Variants in RUNX1 observed in about 807,000 individuals in gnomAD.
RUNX1 encodes RUNX family transcription factor 1.
A neutral mutation model predicts 42.8 loss-of-function variants in RUNX1; 19 were observed. The observed-to-expected ratio is 0.44, with a 90% CI of 0.31 to 0.65. The LOEUF (loss-of-function observed/expected upper bound fraction) is 0.65, where lower values mean the gene tolerates loss of function less well. RUNX1 is among the 30% of genes least tolerant of loss of function. The probability of loss-of-function intolerance (pLI) is 0.07; values close to 1 mark genes in which losing one functional copy is unlikely to be tolerated. For missense variants in RUNX1, 528 were observed against 672.0 expected (o/e 0.79, Z 2.37); for synonymous variants, 271 against 289.4 (o/e 0.94, Z 0.64).
chr21:35,024,050 C>A (rs1042431549), intron 2 of RUNX1, among the ~76,000 whole-genome samples: 16 of 151,972 alleles, frequency 1.1e-4, no homozygotes, highest in Non-Finnish European at 1.8e-4. Flanking sequence ...TAGCCTGGCA[C>A]ATATCTGCAC....
At chr21:34,804,898 C>T (rs745685871) in intron 7 of RUNX1, among the ~76,000 whole-genome samples, 29 of 151,996 alleles carry the variant, frequency 1.9e-4, no homozygotes, top group Non-Finnish European at 2.8e-4. Flanking sequence ...CCTGCCACCA[C>T]GCCCAGCTAT....
chr21:34,833,281 T>A (rs1160145020), intron 7 of RUNX1: 1 of 151,432 alleles, frequency 6.6e-6, no homozygotes, highest in African/African-American at 2.5e-5. Context: ...ATTTTTTGTA[T>A]TTTTAGTAGA....
intron 7 of RUNX1, among the ~76,000 whole-genome samples, chr21:34,828,257 A>AT (rs2057016613): frequency 6.6e-6 from 1 of 152,156 alleles, no homozygotes; most frequent in African/African-American, 2.4e-5. Flanking sequence ...ACCCTGTTGG[A>AT]TTTTGAACTT....
chr21:35,043,128 A>G (rs773917124), intron 2 of RUNX1, among the ~76,000 whole-genome samples: 18 of 152,198 alleles, frequency 1.2e-4, no homozygotes, highest in Non-Finnish European at 2.2e-4. Context: ...TTTGTGTTCA[A>G]GAGCCAGCCT....
chr21:34,854,325 C>T (rs918403203), intron 6 of RUNX1, among the ~76,000 whole-genome samples: 2 of 152,076 alleles, frequency 1.3e-5, no homozygotes, highest in African/African-American at 4.8e-5. Context: ...TTAACTATAA[C>T]TCCCTCTAAA....
chr21:34,878,363 AT>A, intron 5 of RUNX1, among the ~76,000 whole-genome samples: 2 of 137,772 alleles, frequency 1.5e-5, no homozygotes, highest in African/African-American at 6.2e-5. Context: ...AAAAAAAAAT[AT>A]ATATATATAT....
intron 7 of RUNX1, among the ~76,000 whole-genome samples, chr21:34,801,986 T>A (rs2056614284): frequency 6.6e-6 from 1 of 151,610 alleles, no homozygotes; most frequent in Non-Finnish European, 1.5e-5. Flanking sequence ...CCGAAGGAGG[T>A]GATCCCTAAA....
chr21:34,861,052 G>A (rs186935083), intron 5 of RUNX1, among the ~76,000 whole-genome samples: 82 of 152,304 alleles, frequency 5.4e-4, no homozygotes, highest in Admixed American at 1.4e-3. Flanking sequence ...TCTGGGGAGT[G>A]ACTTCCATGG....
At chr21:35,045,963 C>T (rs1227121267) in intron 2 of RUNX1, among the ~76,000 whole-genome samples, 1 of 152,132 alleles carries the variant, frequency 6.6e-6, no homozygotes, top group African/African-American at 2.4e-5. Context: ...CACTAAGCCA[C>T]TTCTAAGAAC....
rs551366026 is a variant in RUNX1 at position 35,035,253 on chromosome 21, G to A, written c.58+13589C>T. On this transcript the variant is annotated intron_variant, in intron 2 of 8. Coordinates refer to ENST00000675419, the MANE Select transcript of RUNX1 (RefSeq NM_001754.5). ...ATCATCATCGTCACACTGTACAGATGAGGAAAAGGGAGAAACAGAAAGGGT... is the reference window on the plus strand; with the variant it reads ...ATCATCATCGTCACACTGTACAGATAAGGAAAAGGGAGAAACAGAAAGGGT... 1.2e-4 allele frequency among the ~76,000 whole-genome samples: 19 copies of A among 152,312 alleles called. No individual in the cohort carries two copies. In the South Asian group the frequency reaches 3.9e-3, roughly 32 times the overall value.
At chr21:34,945,686 C>T (rs1468873997) in intron 2 of RUNX1, among the ~76,000 whole-genome samples, 3 of 152,206 alleles carry the variant, frequency 2.0e-5, no homozygotes, top group Non-Finnish European at 4.4e-5. Context: ...TTTTCTTCAC[C>T]TCTCTGACAG....
At chr21:34,888,088 C>T in intron 3 of RUNX1, 1 of 1,066,380 alleles carries the variant, frequency 9.4e-7, no homozygotes, top group South Asian at 4.5e-5. Context: ...GAGTCACACA[C>T]ATGCAAACAC....
Position 34,926,982 on chromosome 21 carries a change from G to T in RUNX1, c.59-34019C>A, listed in dbSNP as rs546065829. 2.0e-5 allele frequency among the ~76,000 whole-genome samples: 3 copies of T among 152,276 alleles called. No homozygotes were observed. The South Asian group carries it at 6.2e-4, about 32-fold the overall frequency. On this transcript the variant is annotated intron_variant, in intron 2 of 8. Transcript: ENST00000675419. Reference sequence around the variant, plus strand: ...CTCACTGCATTTCCTTTCCCCAGAGGTCCCTTTGGCTAAAGCACTGTCCAA... The same window carrying T: ...CTCACTGCATTTCCTTTCCCCAGAGTTCCCTTTGGCTAAAGCACTGTCCAA...
chr21:34,991,629 G>A (rs986226671), intron 2 of RUNX1, among the ~76,000 whole-genome samples: 4 of 152,162 alleles, frequency 2.6e-5, no homozygotes, highest in South Asian at 2.1e-4. Flanking sequence ...GGCACAAAGC[G>A]GTGATGTGAC....
At chr21:34,994,999 A>G (rs1403590196) in intron 2 of RUNX1, among the ~76,000 whole-genome samples, 1 of 152,232 alleles carries the variant, frequency 6.6e-6, no homozygotes, top group Non-Finnish European at 1.5e-5. Flanking sequence ...CAGGGTGGCA[A>G]GAAGTCTAGG....
intron 6 of RUNX1, among the ~76,000 whole-genome samples, chr21:34,836,770 G>A (rs1229749122): frequency 6.6e-6 from 1 of 152,200 alleles, no homozygotes; most frequent in African/African-American, 2.4e-5. Context: ...CTGTGTCAAG[G>A]ACAGTGGGTG....
intron 2 of RUNX1, among the ~76,000 whole-genome samples, chr21:34,974,424 TG>T (rs2058785604): frequency 6.6e-6 from 1 of 150,890 alleles, no homozygotes; most frequent in Non-Finnish European, 1.5e-5. Context: ...TGGTTCAGTG[TG>T]GTTTTTACTC....
At chr21:34,888,932 A>G (rs537248665) in intron 3 of RUNX1, among the ~76,000 whole-genome samples, 1 of 151,490 alleles carries the variant, frequency 6.6e-6, no homozygotes, top group African/African-American at 2.4e-5. Flanking sequence ...CCCGCATCCA[A>G]GCCTGCATGC....
chr21:34,987,341 G>A (rs1358340891), intron 2 of RUNX1, among the ~76,000 whole-genome samples: 3 of 152,204 alleles, frequency 2.0e-5, no homozygotes, highest in African/African-American at 4.8e-5. Context: ...AGGGGAGCGG[G>A]CTGCTGACAC....
Sources: gnomAD v4.1 joint callset for allele counts (sites outside exome capture counted in the v4.1 genomes callset) on GRCh38, gnomAD v4.1.1 for gene constraint, MANE v1.5 for transcripts, NCBI Gene and HGNC (gene_info 2026-07-23, HGNC 2026-07-21) for gene names.